The following PHF11 variants were observed in gnomAD, a reference collection of about 807,000 sequenced individuals.
PHF11 encodes the protein PHD finger protein 11.
Under a neutral mutation model 40.5 loss-of-function variants are expected in PHF11, and 38 were observed. That is an observed-to-expected ratio of 0.94 (90% CI 0.72 to 1.23). The LOEUF (loss-of-function observed/expected upper bound fraction) is 1.23. PHF11 is among the 50% of genes most tolerant of loss of function. PHF11 has a pLI of 0.00. For synonymous variants in PHF11, 127 were observed against 138.2 expected (o/e 0.92, Z 0.57); for missense variants, 369 against 392.4 (o/e 0.94, Z 0.50).
intron 3 of PHF11, 23 bp from the exon 4 acceptor site, chr13:49,517,991 TACTC>T (rs60679311): frequency 0.59 from 750,383 of 1,279,804 alleles, 224,041 homozygotes; most frequent in East Asian, 0.84. Flanking sequence ...AACAGGTACT[TACTC>T]AGTAAAATCT....
At chr13:49,519,007 T>C (rs903838750) in intron 4 of PHF11, among the ~76,000 whole-genome samples, 36 of 151,782 alleles carry the variant, frequency 2.4e-4, no homozygotes, top group African/African-American at 8.5e-4. Flanking sequence ...GGCTAATTTT[T>C]TGTATTTTTA....
rs1555275802 is a variant in PHF11, at chr13:49,501,012, T to TTG, written c.94+4918_94+4919insGT. Among the ~76,000 whole-genome samples, 21 of 124,200 alleles carry TTG rather than the reference T, an allele frequency of 1.7e-4. 2 individuals are homozygous for TTG. Among genetic ancestry groups the TTG allele is most frequent in the East Asian group, 1.4e-3 (6 of 4,154 alleles). The allele number at this position is 124,200 out of a possible 152,430, so 81.5% of individuals were successfully genotyped here. On this transcript the variant is annotated intron_variant, in intron 1 of 9. Coordinates refer to ENST00000378319, the MANE Select transcript of PHF11 (RefSeq NM_001040443.3). Reference sequence around the variant, plus strand: ...GTCACCAACTTTTGTTTTTTTTTTTTTTTGGTTTTTTTTTTTCTGAAATGG... The same window carrying TTG: ...GTCACCAACTTTTGTTTTTTTTTTTTTGTTTGGTTTTTTTTTTTCTGAAATGG...
intron 8 of PHF11, 87 bp downstream of exon 8, chr13:49,524,303 G>A (rs74634646): frequency 9.6e-7 from 1 of 1,043,748 alleles, no homozygotes; most frequent in Non-Finnish European, 1.4e-6. Flanking sequence ...AAAAAAAAAG[G>A]CCCATTTTCT....
chr13:49,524,772 G>A (rs958782881), intron 8 of PHF11, among the ~76,000 whole-genome samples: 2 of 151,828 alleles, frequency 1.3e-5, no homozygotes, highest in Non-Finnish European at 2.9e-5. Context: ...CACCATGCCT[G>A]GCCCTTTACC....
chr13:49,499,423 A>G (rs1325466848), intron 1 of PHF11, among the ~76,000 whole-genome samples: 2 of 152,232 alleles, frequency 1.3e-5, no homozygotes, highest in Non-Finnish European at 2.9e-5. Flanking sequence ...TCCCTCCTCT[A>G]TAACACACAC....
intron 2 of PHF11, among the ~76,000 whole-genome samples, chr13:49,509,686 C>T (rs1352180898): frequency 6.6e-6 from 1 of 152,140 alleles, no homozygotes; most frequent in Non-Finnish European, 1.5e-5. Flanking sequence ...GAATAAATCT[C>T]ATGAAATCTG....
At chr13:49,519,658 G>A (rs1336651329) in intron 4 of PHF11, among the ~76,000 whole-genome samples, 4 of 139,074 alleles carry the variant, frequency 2.9e-5, no homozygotes, top group Admixed American at 7.6e-5. Flanking sequence ...ATGGGATAAC[G>A]AGAGCAGGAG....
intron 9 of PHF11, among the ~76,000 whole-genome samples, chr13:49,527,656 T>C (rs1959365358): frequency 6.6e-6 from 1 of 152,106 alleles, no homozygotes; most frequent in African/African-American, 2.4e-5. Flanking sequence ...CCTTAAAAAT[T>C]TTTTTCTAAA....
intron 2 of PHF11, among the ~76,000 whole-genome samples, chr13:49,507,254 A>G (rs1959015016): frequency 6.6e-6 from 1 of 152,140 alleles, no homozygotes; most frequent in African/African-American, 2.4e-5. Context: ...TTAAAATATA[A>G]CAGACACTGA....
Position 49,496,045 on chromosome 13 carries a change from C to G in PHF11, c.44C>G (p.Ala15Gly). 1 of 1,443,314 alleles carries G rather than the reference C, an allele frequency of 6.9e-7. No homozygotes were observed. The highest frequency in any genetic ancestry group is 9.1e-7 in the Non-Finnish European group (1 of 1,102,096). 89.4% of individuals were successfully genotyped at this position (1,443,314 alleles called of 1,614,324 possible). The change falls in exon 1 of 10, where the codon GCC (alanine) becomes GGC (glycine). Residue 15 changes from alanine to glycine, a missense_variant. By Grantham distance (60) the Ala-to-Gly change is moderately conservative. Coordinates refer to ENST00000378319, the MANE Select transcript of PHF11 (RefSeq NM_001040443.3). Reference protein sequence around the residue: ...SPPRPERVLGASSPEARPAQE... With the variant: ...SPPRPERVLGGSSPEARPAQE... ...CCCCGGCCCGAGAGGGTGCTCGGCGCCAGCAGCCCGGAGGCCCGGCCCGCG... is the reference window on the plus strand; with the variant it reads ...CCCCGGCCCGAGAGGGTGCTCGGCGGCAGCAGCCCGGAGGCCCGGCCCGCG...
chr13:49,520,684 A>G (rs1482304015), intron 4 of PHF11, among the ~76,000 whole-genome samples: 1 of 152,118 alleles, frequency 6.6e-6, no homozygotes, highest in Admixed American at 6.5e-5. Context: ...TCATCTTCCT[A>G]AGTCCCTGAG....
At chr13:49,501,898 T>C (rs1396091454) in intron 1 of PHF11, among the ~76,000 whole-genome samples, 1 of 151,958 alleles carries the variant, frequency 6.6e-6, no homozygotes, top group Non-Finnish European at 1.5e-5. Context: ...ACCATGTTGG[T>C]CAGGCTGGTC....
intron 1 of PHF11, among the ~76,000 whole-genome samples, chr13:49,503,438 C>A (rs886824690): frequency 6.6e-6 from 1 of 152,222 alleles, no homozygotes; most frequent in Non-Finnish European, 1.5e-5. Context: ...CTGTTTATTT[C>A]GTAAGCTTCT....
At chr13:49,506,899 T>TTG in intron 2 of PHF11, 143 bp downstream of exon 2, 2 of 71,326 alleles carry the variant, frequency 2.8e-5, no homozygotes, top group Non-Finnish European at 2.2e-5. Flanking sequence ...GGAGCATTTC[T>TTG]TTTTTTTTTT....
intron 1 of PHF11, among the ~76,000 whole-genome samples, chr13:49,502,935 A>T (rs1958929867): frequency 6.6e-6 from 1 of 152,046 alleles, no homozygotes; most frequent in Admixed American, 6.6e-5. Flanking sequence ...CATGTTAGCC[A>T]GGATGGTCTC....
At chr13:49,521,565 AG>A in intron 5 of PHF11, 1 of 805,508 alleles carries the variant, frequency 1.2e-6, no homozygotes, top group South Asian at 5.6e-5. Context: ...TTAACTCAGC[AG>A]GAAAGGCTAT....
intron 2 of PHF11, among the ~76,000 whole-genome samples, chr13:49,510,286 A>G (rs9562889): frequency 0.069 from 10,486 of 151,810 alleles, 625 homozygotes; most frequent in East Asian, 0.18. Context: ...TCAGCCTCCC[A>G]AATGCTGGAA....
chr13:49,501,027 T>TTG (rs1958900431), intron 1 of PHF11, among the ~76,000 whole-genome samples: 1 of 145,520 alleles, frequency 6.9e-6, no homozygotes, highest in Non-Finnish European at 1.5e-5. Flanking sequence ...GTTTTTTTTT[T>TTG]TCTGAAATGG....
Position 49,496,112 on chromosome 13 carries a change from C to A in PHF11, c.94+17C>A, listed in dbSNP as rs1393570211. The A allele has an allele frequency of 7.7e-5, 1 of 12,970 alleles. No individual in the cohort carries two copies. Among genetic ancestry groups the A allele is most frequent in the Non-Finnish European group, 1.5e-4 (1 of 6,618 alleles). 0.8% of individuals were successfully genotyped at this position (12,970 alleles called of 1,614,324 possible). Reference sequence around the variant, plus strand: ...TTCCCACCGGTGTGTACCGCGGGGGCGGGCGGGCGGGCGGGCGGGGCTGGG... The same window carrying A: ...TTCCCACCGGTGTGTACCGCGGGGGAGGGCGGGCGGGCGGGCGGGGCTGGG... On this transcript the variant is annotated intron_variant, in intron 1 of 9. Coordinates refer to ENST00000378319, the MANE Select transcript of PHF11 (RefSeq NM_001040443.3).
Sources: gnomAD v4.1 joint callset for allele counts (sites outside exome capture counted in the v4.1 genomes callset) on GRCh38, gnomAD v4.1.1 for gene constraint, MANE v1.5 for transcripts, NCBI Gene and HGNC (gene_info 2026-07-23, HGNC 2026-07-21) for gene names.